The following SLC35D2 variants were observed in gnomAD, a reference collection of about 807,000 sequenced individuals.
The protein encoded by SLC35D2 is solute carrier family 35 member D2.
In SLC35D2, 43 loss-of-function variants were observed where a neutral mutation model predicts 41.8. The ratio of observed to expected loss-of-function variants is 1.03; its 90% CI spans 0.81 to 1.33. The LOEUF (loss-of-function observed/expected upper bound fraction) is 1.33. Ranked by LOEUF, SLC35D2 falls within the 40% of genes most tolerant of loss-of-function variation. The pLI, the probability that SLC35D2 is intolerant of heterozygous loss-of-function variation, is 0.00. For missense variants in SLC35D2, 380 were observed against 408.4 expected, an observed-to-expected ratio of 0.93 and a Z score of 0.60; for synonymous variants, 150 against 163.9, an observed-to-expected ratio of 0.92 and a Z score of 0.65.
chr9:96,347,539 A>G (rs1334847304), intron 6 of SLC35D2, among the ~76,000 whole-genome samples: 1 of 152,098 alleles, frequency 6.6e-6, no homozygotes, highest in East Asian at 1.9e-4. Flanking sequence ...ATGCCCGGCT[A>G]ATTTTTTTAC....
rs200461340 is a variant in SLC35D2 at position 96,364,452 on chromosome 9, T to G, written c.279+12A>C. ...TCTTCTATCACAGTCATACATACTT[T>G]TCATTACTTACCTTTACAGGAATTT... On this transcript the variant is annotated intron_variant, in intron 3 of 11. Coordinates refer to ENST00000253270, the MANE Select transcript of SLC35D2 (RefSeq NM_007001.3). 3.4e-6 allele frequency: 5 copies of G among 1,475,536 alleles called. No homozygotes were observed. The highest frequency in any genetic ancestry group is 4.7e-6 in the Non-Finnish European group (5 of 1,056,942). The allele number at this position is 1,475,536 out of a possible 1,614,324, so 91.4% of individuals were successfully genotyped here. A position where few individuals can be genotyped will look rare whatever the true frequency, so the allele number is the denominator to read the frequency against.
rs116661878 is a variant in SLC35D2, at chr9:96,325,082, C to G, written c.753-913G>C. On this transcript the variant is annotated intron_variant, in intron 9 of 11. Transcript: ENST00000253270. ...CCACTTGTGGATAATGCTCCTGTAACTGTTACCAAAGTTAACTCAGGCACT... is the reference window on the plus strand; with the variant it reads ...CCACTTGTGGATAATGCTCCTGTAAGTGTTACCAAAGTTAACTCAGGCACT... Among the ~76,000 whole-genome samples, 1,200 of 152,320 alleles carry G rather than the reference C, an allele frequency of 7.9e-3. 18 individuals are homozygous for G. Among genetic ancestry groups the G allele is most frequent in the African/African-American group, 0.027 (1,108 of 41,574 alleles).
At chr9:96,361,821 C>T (rs1346208163) in intron 3 of SLC35D2, among the ~76,000 whole-genome samples, 1 of 152,112 alleles carries the variant, frequency 6.6e-6, no homozygotes, top group Non-Finnish European at 1.5e-5. Flanking sequence ...GGACGCAAAG[C>T]CTCACCAGAA....
Position 96,351,720 on chromosome 9 carries a change from T to C in SLC35D2, c.419+318A>G, listed in dbSNP as rs1349662884. On this transcript the variant is annotated intron_variant, in intron 5 of 11. Coordinates refer to ENST00000253270, the MANE Select transcript of SLC35D2 (RefSeq NM_007001.3). ...CTATCCTGTATGTATACATGGACAGTTTCCCTTCTGTATTCCAAAATTGGT... is the reference window on the plus strand; with the variant it reads ...CTATCCTGTATGTATACATGGACAGCTTCCCTTCTGTATTCCAAAATTGGT... 2.6e-5 allele frequency among the ~76,000 whole-genome samples: 4 copies of C among 152,152 alleles called. 1 individual carries two copies. The highest frequency in any genetic ancestry group is 9.7e-5 in the African/African-American group (4 of 41,430).
intron 5 of SLC35D2, among the ~76,000 whole-genome samples, chr9:96,351,647 ATAT>A (rs1276749149): frequency 6.6e-6 from 1 of 152,172 alleles, no homozygotes; most frequent in African/African-American, 2.4e-5. Context: ...ATTTCTTCTG[ATAT>A]TATAATTACT....
intron 9 of SLC35D2, among the ~76,000 whole-genome samples, chr9:96,325,873 T>C (rs749185202): frequency 6.6e-6 from 1 of 152,120 alleles, no homozygotes; most frequent in Non-Finnish European, 1.5e-5. Context: ...AAGATCACAG[T>C]CACAAACCTT....
intron 10 of SLC35D2, among the ~76,000 whole-genome samples, chr9:96,323,016 G>GTT: frequency 6.8e-6 from 1 of 146,170 alleles, no homozygotes; most frequent in Non-Finnish European, 1.5e-5. Flanking sequence ...ACTGTGCCTG[G>GTT]TTTTTCTTTT....
rs1356967993 is a variant in SLC35D2, at chr9:96,351,152, T to C, written c.439A>G (p.Ile147Val). The change falls in exon 6 of 12, where the codon ATC (isoleucine) becomes GTC (valine). Residue 147 changes from isoleucine to valine, a missense_variant. Coordinates refer to ENST00000253270, the MANE Select transcript of SLC35D2 (RefSeq NM_007001.3). ...IILGKQYSLN[I>V]ILSVFAIILG... The stretch of plus-strand genomic sequence containing the variant: ...ATAATGGCAAAGACACTGAGGATGA[T>C]GTTGAGTGAATACTGCTTCCTGTAA... 1.2e-6 allele frequency: 2 copies of C among 1,611,060 alleles called. No individual in the cohort carries two copies. Among genetic ancestry groups the C allele is most frequent in the African/African-American group, 2.7e-5 (2 of 74,836 alleles).
chr9:96,356,705 C>CA (rs1032409781), intron 4 of SLC35D2, among the ~76,000 whole-genome samples: 3 of 150,410 alleles, frequency 2.0e-5, no homozygotes, highest in Admixed American at 6.6e-5. Context: ...GCTATCTCTA[C>CA]AAAAAAAATT....
intron 1 of SLC35D2, among the ~76,000 whole-genome samples, chr9:96,369,888 C>A (rs576254676): frequency 6.6e-6 from 1 of 152,184 alleles, no homozygotes; most frequent in Non-Finnish European, 1.5e-5. Context: ...CTGTCTCAGA[C>A]AGTCTAAGAA....
chr9:96,338,969 T>C (rs1273610265), intron 8 of SLC35D2, among the ~76,000 whole-genome samples: 1 of 152,218 alleles, frequency 6.6e-6, no homozygotes, highest in South Asian at 2.1e-4. Context: ...GAGCTAAAAG[T>C]ATTTATGCAA....
At chr9:96,338,091 T>A (rs2130886699) in intron 8 of SLC35D2, among the ~76,000 whole-genome samples, 1 of 151,794 alleles carries the variant, frequency 6.6e-6, no homozygotes, top group South Asian at 2.1e-4. Context: ...ATAAGGAGTA[T>A]TTTATTCATG....
At chr9:96,332,640 G>A (rs1037529029) in intron 9 of SLC35D2, among the ~76,000 whole-genome samples, 8 of 151,746 alleles carry the variant, frequency 5.3e-5, no homozygotes, top group Admixed American at 4.6e-4. Flanking sequence ...TTAGCCAGGC[G>A]CAGTGGTGGG....
chr9:96,332,498 G>A (rs1191523614), intron 9 of SLC35D2, among the ~76,000 whole-genome samples: 1 of 152,078 alleles, frequency 6.6e-6, no homozygotes, highest in Non-Finnish European at 1.5e-5. Flanking sequence ...GTTCATGTTG[G>A]CCGGGTTCAG....
chr9:96,319,333 G>A (rs1472161660), downstream of SLC35D2, among the ~76,000 whole-genome samples: 1 of 152,112 alleles, frequency 6.6e-6, no homozygotes, highest in Non-Finnish European at 1.5e-5. Flanking sequence ...GTTGCCAGGG[G>A]CCGGAGGGAT....
Position 96,382,299 on chromosome 9 carries a change from C to CA in SLC35D2, c.158+1177dup, listed in dbSNP as rs1237660154. Among the ~76,000 whole-genome samples, 7 of 151,590 alleles carry CA rather than the reference C, an allele frequency of 4.6e-5. No homozygotes were observed. The South Asian group carries it at 1.3e-3, about 27-fold the overall frequency. On this transcript the variant is annotated intron_variant, in intron 1 of 11. Transcript: ENST00000253270. ...CTGAGACCCCACCTCTACAAAAAAT[C>CA]AAAAAAATTGCCGGTGCAGTGGTGC... is the stretch of plus-strand genomic sequence containing the variant.
At position 96,322,094 on chromosome 9, in the gene SLC35D2, G is replaced by A. The variant is rs753460594; in HGVS notation, c.832-14C>T. 6.6e-7 allele frequency: 1 copy of A among 1,506,038 alleles called. No homozygotes were observed. The highest frequency in any genetic ancestry group is 1.2e-5 in the South Asian group (1 of 86,022). 93.3% of individuals were successfully genotyped at this position (1,506,038 alleles called of 1,614,324 possible). A position where few individuals can be genotyped will look rare whatever the true frequency, so the allele number is the denominator to read the frequency against. ...AACGGATACATTCTGCAGAAAAAGA[G>A]AGAGGATTCGTCATTTTAAAAGTAA... On this transcript the variant is annotated splice_polypyrimidine_tract_variant and intron_variant, in intron 10 of 11. Coordinates refer to ENST00000253270, the MANE Select transcript of SLC35D2 (RefSeq NM_007001.3).
intron 9 of SLC35D2, among the ~76,000 whole-genome samples, chr9:96,328,393 G>C (rs1828650243): frequency 6.6e-6 from 1 of 152,296 alleles, no homozygotes; most frequent in South Asian, 2.1e-4. Context: ...TGGGATTACA[G>C]GTGTGAGCCA....
At chr9:96,340,418 A>G (rs1165471162) in intron 8 of SLC35D2, among the ~76,000 whole-genome samples, 1 of 151,926 alleles carries the variant, frequency 6.6e-6, no homozygotes, top group Non-Finnish European at 1.5e-5. Flanking sequence ...GGAGTTCGAG[A>G]CCAGCCTGGC....
Sources: gnomAD v4.1 joint callset for allele counts (sites outside exome capture counted in the v4.1 genomes callset) on GRCh38, gnomAD v4.1.1 for gene constraint, MANE v1.5 for transcripts, NCBI Gene and HGNC (gene_info 2026-07-23, HGNC 2026-07-21) for gene names.